The following ZC3H12B variants were observed in gnomAD, a reference collection of about 807,000 sequenced individuals.
ZC3H12B encodes the protein zinc finger CCCH-type containing 12B, also known as probable ribonuclease ZC3H12B.
In ZC3H12B, 7 loss-of-function variants were observed where a neutral mutation model predicts 43.9. The observed-to-expected ratio is 0.16, with a 90% CI of 0.09 to 0.30. The LOEUF is 0.30. Among genes scored for constraint, ZC3H12B ranks in the 10% least tolerant of loss-of-function variants. The pLI, the probability that ZC3H12B is intolerant of heterozygous loss-of-function variation, is 1.00. For synonymous variants in ZC3H12B, 222 were observed against 241.7 expected, an observed-to-expected ratio of 0.92 and a Z score of 0.76; for missense variants, 475 against 670.2, an observed-to-expected ratio of 0.71 and a Z score of 3.22.
At chrX:65,270,718 TA>T in the ZC3H12B span, among the ~76,000 whole-genome samples, 6 of 110,182 alleles carry the variant, frequency 5.4e-5, no homozygotes, top group African/African-American at 2.0e-4. Context: ...AGATAGAAAA[TA>T]TTAAAAAATA....
At chrX:65,055,693 T>A in the ZC3H12B span, among the ~76,000 whole-genome samples, 75 of 111,784 alleles carry the variant, frequency 6.7e-4, no homozygotes, top group African/African-American at 2.3e-3. Context: ...TCTGGTAGAA[T>A]TCAGCTTTGA....
intron 2 of ZC3H12B, among the ~76,000 whole-genome samples, chrX:65,392,107 G>T: frequency 1.8e-5 from 2 of 111,235 alleles, no homozygotes; most frequent in Middle Eastern, 9.3e-3. Context: ...CATGATCTCG[G>T]CTCGCTACAA....
the ZC3H12B span, among the ~76,000 whole-genome samples, chrX:65,155,124 T>C: frequency 9.1e-6 from 1 of 110,066 alleles, no homozygotes; most frequent in South Asian, 4.0e-4. Flanking sequence ...ACCTGGCCAC[T>C]TTTTTGTATT....
upstream of ZC3H12B, among the ~76,000 whole-genome samples, chrX:65,363,721 C>T (rs2066135352): frequency 8.9e-6 from 1 of 112,069 alleles, no homozygotes; most frequent in African/African-American, 3.2e-5. Flanking sequence ...ACAACTTGAC[C>T]TTACTGTTTT....
At chrX:65,266,774 G>T in the ZC3H12B span, among the ~76,000 whole-genome samples, 15,775 of 110,623 alleles carry the variant, frequency 0.14, 2,726 homozygotes, top group African/African-American at 0.49. Context: ...CAGTGCAAGG[G>T]TTTGCCTTTG....
At chrX:65,450,442 TATATATAC>T (rs1439933620) in intron 3 of ZC3H12B, among the ~76,000 whole-genome samples, 2 of 48,070 alleles carry the variant, frequency 4.2e-5, no homozygotes, top group Non-Finnish European at 7.0e-5. Flanking sequence ...TATATGTGTA[TATATATAC>T]ATATATGTAT....
chrX:65,264,946 T>G, the ZC3H12B span, among the ~76,000 whole-genome samples: 1 of 111,565 alleles, frequency 9.0e-6, no homozygotes, highest in East Asian at 2.8e-4. Flanking sequence ...ATTTAGTGTA[T>G]GGATAGGAAA....
At chrX:65,157,623 A>G in the ZC3H12B span, among the ~76,000 whole-genome samples, 2 of 111,490 alleles carry the variant, frequency 1.8e-5, no homozygotes, top group African/African-American at 6.5e-5. Flanking sequence ...GTAACAGAAT[A>G]TAGATAGATT....
chrX:65,428,705 T>G (rs1281575922), intron 3 of ZC3H12B, among the ~76,000 whole-genome samples: 1 of 112,375 alleles, frequency 8.9e-6, no homozygotes, highest in Non-Finnish European at 1.9e-5. Context: ...ACATGTTCCT[T>G]TAGCTCAGTG....
chrX:65,146,355 C>A, the ZC3H12B span, among the ~76,000 whole-genome samples: 1 of 111,415 alleles, frequency 9.0e-6, no homozygotes, highest in Non-Finnish European at 1.9e-5. Context: ...ATGCTATTTC[C>A]TTGAATATTT....
At chrX:65,323,721 G>T in the ZC3H12B span, among the ~76,000 whole-genome samples, 3 of 111,825 alleles carry the variant, frequency 2.7e-5, no homozygotes, top group Non-Finnish European at 5.6e-5. Context: ...TAATGGGATT[G>T]CTGGGTCAAA....
At chrX:65,119,328 T>C in the ZC3H12B span, among the ~76,000 whole-genome samples, 1 of 111,733 alleles carries the variant, frequency 8.9e-6, no homozygotes. Flanking sequence ...CCTGACTTTT[T>C]AATGATCACC....
intron 3 of ZC3H12B, among the ~76,000 whole-genome samples, chrX:65,447,700 G>C (rs1292100549): frequency 1.8e-5 from 2 of 111,692 alleles, no homozygotes; most frequent in Non-Finnish European, 3.8e-5. Flanking sequence ...TCTGATGAAG[G>C]ACTAATATCC....
chrX:65,176,888 C>T, the ZC3H12B span, among the ~76,000 whole-genome samples: 46 of 111,741 alleles, frequency 4.1e-4, no homozygotes, highest in East Asian at 3.4e-3. Context: ...GAAACTACTC[C>T]AAACAACAGA....
At chrX:65,258,971 T>A in the ZC3H12B span, among the ~76,000 whole-genome samples, 1 of 111,867 alleles carries the variant, frequency 8.9e-6, no homozygotes, top group Admixed American at 9.5e-5. Context: ...AGAATCTATA[T>A]CATTAAAATG....
chrX:65,262,698 C>T, the ZC3H12B span, among the ~76,000 whole-genome samples: 1 of 110,657 alleles, frequency 9.0e-6, no homozygotes, highest in Non-Finnish European at 1.9e-5. Flanking sequence ...GACACAAACT[C>T]CAAGAGGTGA....
At chrX:65,411,255 CAATT>C (rs753288990) in intron 3 of ZC3H12B, among the ~76,000 whole-genome samples, 5 of 111,489 alleles carry the variant, frequency 4.5e-5, no homozygotes, top group Non-Finnish European at 3.8e-5. Flanking sequence ...AAAATTAAAA[CAATT>C]AAACTCATGG....
intron 3 of ZC3H12B, among the ~76,000 whole-genome samples, chrX:65,438,578 CCAAA>C (rs1385890670): frequency 1.8e-5 from 2 of 112,230 alleles, no homozygotes; most frequent in Non-Finnish European, 3.8e-5. Flanking sequence ...GCTGAAAGCC[CCAAA>C]CAGAGATTTA....
At chrX:65,155,743 C>A in the ZC3H12B span, among the ~76,000 whole-genome samples, 2 of 110,523 alleles carry the variant, frequency 1.8e-5, no homozygotes, top group East Asian at 5.7e-4. Context: ...GCCTGAAGTA[C>A]CAGCTAGTTG....
Sources: gnomAD v4.1 joint callset for allele counts (sites outside exome capture counted in the v4.1 genomes callset) on GRCh38, gnomAD v4.1.1 for gene constraint, MANE v1.5 for transcripts, NCBI Gene and HGNC (gene_info 2026-07-23, HGNC 2026-07-21) for gene names.